CFAP20DC: variants seen among roughly 807,000 people sequenced by gnomAD.
CFAP20DC encodes protein CFAP20DC.
In CFAP20DC, 84 loss-of-function variants were observed where a neutral mutation model predicts 101.7. That is an observed-to-expected ratio of 0.83 (90% CI 0.69 to 0.99). The LOEUF (loss-of-function observed/expected upper bound fraction) is 0.99, where lower values mean the gene tolerates loss of function less well. Ranked by LOEUF, CFAP20DC falls within the 50% of genes least tolerant of loss-of-function variation. The pLI, the probability that CFAP20DC is intolerant of heterozygous loss-of-function variation, is 0.00. For missense variants in CFAP20DC, 1,007 were observed against 970.3 expected, an observed-to-expected ratio of 1.04 and a Z score of -0.50; for synonymous variants, 359 against 351.2, an observed-to-expected ratio of 1.02 and a Z score of -0.25.
chr3:58,939,852 C>T (rs1207476699), intron 4 of CFAP20DC, among the ~76,000 whole-genome samples: 1 of 150,742 alleles, frequency 6.6e-6, no homozygotes, highest in Non-Finnish European at 1.5e-5. Context: ...CTGTAACCTC[C>T]GCCTCCCAGG....
Position 58,938,274 on chromosome 3 carries a change from T to C in CFAP20DC, c.279-512A>G, listed in dbSNP as rs144630541. Among the ~76,000 whole-genome samples the C allele has an allele frequency of 9.9e-3, 1,502 of 152,342 alleles. 13 individuals are homozygous for C. The highest frequency in any genetic ancestry group is 0.015 in the Admixed American group (227 of 15,300). On this transcript the variant is annotated intron_variant, in intron 4 of 16. Transcript: ENST00000482387. ...AGCACATATCTTCCAACCAGAATTATAATACACAACTTTATCGCTCACTAT... is the reference window on the plus strand; with the variant it reads ...AGCACATATCTTCCAACCAGAATTACAATACACAACTTTATCGCTCACTAT...
At chr3:58,876,760 T>G (rs575064852) in intron 7 of CFAP20DC, among the ~76,000 whole-genome samples, 1 of 152,332 alleles carries the variant, frequency 6.6e-6, no homozygotes, top group Non-Finnish European at 1.5e-5. Context: ...AAAAACCTGT[T>G]GAATTTTCAT....
rs558817373 is a variant in CFAP20DC, at chr3:58,946,479, C to A, written c.279-8717G>T. On this transcript the variant is annotated intron_variant, in intron 4 of 16. Transcript: ENST00000482387. ...CAGCCATGGAGACTGAATGTCACCC[C>A]TAAGTTCCAATTTCTTTTTTGGCAT... Among the ~76,000 whole-genome samples the A allele has an allele frequency of 2.0e-5, 3 of 152,254 alleles. No individual in the cohort carries two copies. The East Asian group carries it at 5.8e-4, about 29-fold the overall frequency.
intron 14 of CFAP20DC, among the ~76,000 whole-genome samples, chr3:58,811,660 C>T (rs1363659194): frequency 6.6e-6 from 1 of 152,074 alleles, no homozygotes; most frequent in Non-Finnish European, 1.5e-5. Context: ...GACTTCATGT[C>T]TAAAACACCA....
intron 14 of CFAP20DC, among the ~76,000 whole-genome samples, chr3:58,823,491 T>C (rs1300248360): frequency 1.3e-5 from 2 of 152,188 alleles, no homozygotes; most frequent in Admixed American, 1.3e-4. Context: ...TGCTAATTCT[T>C]GGTAGATATG....
At chr3:58,890,459 C>T (rs1414073256) in intron 6 of CFAP20DC, among the ~76,000 whole-genome samples, 2 of 144,450 alleles carry the variant, frequency 1.4e-5, no homozygotes, top group Non-Finnish European at 3.0e-5. Flanking sequence ...ACGTCCCTCC[C>T]GGACGGGGCG....
In CFAP20DC at chr3:58,976,835, C is replaced by T. The variant is rs1054553103; in HGVS notation, c.279-39073G>A. Among the ~76,000 whole-genome samples, 6 of 152,054 alleles carry T rather than the reference C, an allele frequency of 3.9e-5. No homozygotes were observed. The South Asian group carries it at 8.3e-4, about 21-fold the overall frequency. On this transcript the variant is annotated intron_variant, in intron 4 of 16. Transcript: ENST00000482387. The stretch of plus-strand genomic sequence containing the variant: ...GTAGTGAGTAGGGTGTGTGTGAGTG[C>T]GTTCTGCCTGTGATGGGATGGTGTC...
intron 5 of CFAP20DC, among the ~76,000 whole-genome samples, chr3:58,924,074 A>G (rs1013444943): frequency 6.6e-6 from 1 of 152,262 alleles, no homozygotes; most frequent in African/African-American, 2.4e-5. Context: ...CAGTTCTAGA[A>G]TGCAAAAAAT....
chr3:58,801,987 C>T (rs1044291035), intron 15 of CFAP20DC, among the ~76,000 whole-genome samples: 1 of 152,112 alleles, frequency 6.6e-6, no homozygotes, highest in Non-Finnish European at 1.5e-5. Context: ...ACATTTAGAA[C>T]CTTGCAAAGC....
chr3:59,029,410 G>T (rs2093949103), intron 4 of CFAP20DC, among the ~76,000 whole-genome samples: 1 of 152,194 alleles, frequency 6.6e-6, no homozygotes, highest in East Asian at 1.9e-4. Context: ...AATCATAAAA[G>T]GGCTTTCTGA....
At chr3:58,981,201 A>G (rs1231895313) in intron 4 of CFAP20DC, among the ~76,000 whole-genome samples, 2 of 152,216 alleles carry the variant, frequency 1.3e-5, no homozygotes, top group Non-Finnish European at 2.9e-5. Context: ...TCAATGAAAT[A>G]AAAAAGAATA....
At chr3:58,748,289 A>G (rs1378465737) in intron 16 of CFAP20DC, among the ~76,000 whole-genome samples, 1 of 152,192 alleles carries the variant, frequency 6.6e-6, no homozygotes, top group Non-Finnish European at 1.5e-5. Context: ...GCAAGGTATC[A>G]ACGTTGAGCT....
chr3:58,955,178 C>T (rs1479193526), intron 4 of CFAP20DC, among the ~76,000 whole-genome samples: 1 of 152,082 alleles, frequency 6.6e-6, no homozygotes, highest in Non-Finnish European at 1.5e-5. Context: ...CAAAAGGCTC[C>T]ACTGATCATC....
At chr3:58,815,248 G>A (rs1209432433) in intron 14 of CFAP20DC, among the ~76,000 whole-genome samples, 15 of 148,100 alleles carry the variant, frequency 1.0e-4, no homozygotes, top group African/African-American at 3.0e-4. Flanking sequence ...AGAAAAACAA[G>A]CAATGGGGAA....
At chr3:58,769,482 G>C (rs1559564839) in intron 15 of CFAP20DC, among the ~76,000 whole-genome samples, 1 of 152,120 alleles carries the variant, frequency 6.6e-6, no homozygotes, top group African/African-American at 2.4e-5. Flanking sequence ...AATGTTTGCT[G>C]AATGAATGCT....
chr3:58,751,104 TCTC>T (rs374714888), intron 16 of CFAP20DC, among the ~76,000 whole-genome samples: 41 of 152,218 alleles, frequency 2.7e-4, no homozygotes, highest in African/African-American at 9.4e-4. Flanking sequence ...TTCCTTCTCT[TCTC>T]CTTTCTAATG....
intron 3 of CFAP20DC, 52 bp from the exon 4 acceptor site, chr3:59,039,681 A>C: frequency 1.8e-6 from 2 of 1,131,176 alleles, no homozygotes; most frequent in Non-Finnish European, 2.5e-6. Context: ...TTATATGTGC[A>C]TATAAACAAA....
At position 59,008,724 on chromosome 3, in the gene CFAP20DC, G is replaced by A. The variant is rs866883804; in HGVS notation, c.278+30833C>T. Among the ~76,000 whole-genome samples, 11 of 152,108 alleles carry A rather than the reference G, an allele frequency of 7.2e-5. No homozygotes were observed. In the South Asian group the frequency reaches 1.5e-3, roughly 20 times the overall value. On this transcript the variant is annotated intron_variant, in intron 4 of 16. Transcript: ENST00000482387. ...GGGGACTGTTGTGGGGTGGGAGGAG[G>A]GGGGAGGGATAGCATTAGGAGATAT...
intron 12 of CFAP20DC, among the ~76,000 whole-genome samples, chr3:58,856,193 C>G (rs750992603): frequency 2.0e-5 from 3 of 148,858 alleles, no homozygotes; most frequent in Non-Finnish European, 4.5e-5. Context: ...TGTTAAGGAT[C>G]TTTTATAAAT....
Sources: allele counts gnomAD v4.1 joint callset (sites outside exome capture counted in the v4.1 genomes callset), GRCh38; gene constraint gnomAD v4.1.1; transcripts MANE v1.5; gene names NCBI Gene and HGNC (gene_info 2026-07-23, HGNC 2026-07-21).